FOXA1: variants seen among roughly 807,000 people sequenced by gnomAD.
FOXA1 encodes the protein forkhead box A1, also known as hepatocyte nuclear factor 3-alpha.
A neutral mutation model predicts 29.2 loss-of-function variants in FOXA1; 9 were observed. The observed-to-expected ratio is 0.31, with a 90% CI of 0.19 to 0.54. The LOEUF (loss-of-function observed/expected upper bound fraction) is 0.54. Ranked by LOEUF, FOXA1 falls within the 20% of genes least tolerant of loss-of-function variation. The pLI, the probability that FOXA1 is intolerant of heterozygous loss-of-function variation, is 0.95. For synonymous variants in FOXA1, 340 were observed against 300.9 expected, an observed-to-expected ratio of 1.13 and a Z score of -1.34; for missense variants, 644 against 681.2, an observed-to-expected ratio of 0.95 and a Z score of 0.61.
chr14:37,594,231 C>G lies in FOXA1; in HGVS notation c.72+670G>C, dbSNP rs997873895. On this transcript the variant is annotated intron_variant, in intron 1 of 1. Coordinates refer to ENST00000250448, the MANE Select transcript of FOXA1 (RefSeq NM_004496.5). The stretch of plus-strand genomic sequence containing the variant: ...GGTAGTCCTCCCTGTAACTGGTTTT[C>G]CCTGTAATCCTTTTGTGCACATTGT... The G allele has an allele frequency of 8.3e-5, 106 of 1,279,064 alleles. 1 individual carries two copies. The South Asian group carries it at 1.3e-3, about 16-fold the overall frequency. 79.2% of individuals were successfully genotyped at this position (1,279,064 alleles called of 1,614,324 possible). A position where few individuals can be genotyped will look rare whatever the true frequency, so the allele number is the denominator to read the frequency against.
chr14:37,592,783 C>T (rs931538934), intron 1 of FOXA1, 72 bp from the exon 2 acceptor site: 30 of 1,584,892 alleles, frequency 1.9e-5, no homozygotes, highest in Admixed American at 1.3e-4. Flanking sequence ...GGCGGCCGTC[C>T]GGGACCTAAC....
chr14:37,594,213 C>T, intron 1 of FOXA1: 1 of 1,282,772 alleles, frequency 7.8e-7, no homozygotes, highest in Non-Finnish European at 1.0e-6. Flanking sequence ...GGTGGTAGTC[C>T]TCCCTGTAAC....
In FOXA1 at chr14:37,592,719, G is replaced by T; in HGVS notation, c.73-8C>A. The T allele has an allele frequency of 1.2e-6, 2 of 1,609,820 alleles. No individual in the cohort carries two copies. The highest frequency in any genetic ancestry group is 1.7e-6 in the Non-Finnish European group (2 of 1,180,006). On this transcript the variant is annotated splice_polypyrimidine_tract_variant and splice_region_variant and intron_variant, in intron 1 of 1. Transcript: ENST00000250448. The stretch of plus-strand genomic sequence containing the variant: ...CGGGACGGAGGAGTAGGCCTGGAGT[G>T]GAGACAGCGAGTGAAGAAGCCCCGG...
At position 37,592,364 on chromosome 14, in the gene FOXA1, G is replaced by T. The variant is rs2139183154; in HGVS notation, c.420C>A (p.Pro140=). ...CCAGGTTGGACGGCGCGTACGCCATGGGGCTCATGCACGGGTTCATGGCGG... is the reference window on the plus strand; with the variant it reads ...CCAGGTTGGACGGCGCGTACGCCATTGGGCTCATGCACGGGTTCATGGCGG... ...YAAAMNPCMS[P]MAYAPSNLGR... Residue 140 remains proline (P), a synonymous_variant, in exon 2 of 2, where the codon CCC becomes CCA. Transcript: ENST00000250448. 6.2e-7 allele frequency: 1 copy of T among 1,602,784 alleles called. No individual in the cohort carries two copies. Among genetic ancestry groups the T allele is most frequent in the Non-Finnish European group, 8.5e-7 (1 of 1,175,834 alleles).
rs776810070 is a variant in FOXA1 at position 37,592,540 on chromosome 14, C to T, written c.244G>A (p.Val82Ile). ...GLGAGLSPGAVAGMPGGSAGA... is the reference protein window; with the variant it reads ...GLGAGLSPGAIAGMPGGSAGA... ...GCCGAGCCCCCCGGCATGCCGGCTACTGCGCCGGGACTCAGGCCGGCCCCT... is the reference window on the plus strand; with the variant it reads ...GCCGAGCCCCCCGGCATGCCGGCTATTGCGCCGGGACTCAGGCCGGCCCCT... Residue 82 changes from valine to isoleucine, a missense_variant, in exon 2 of 2, where the codon GTA becomes ATA. Around this residue, in one of 5 missense-constraint regions of FOXA1, gnomAD observed 309 missense variants for 307.0 expected, o/e 1.01. Coordinates refer to ENST00000250448, the MANE Select transcript of FOXA1 (RefSeq NM_004496.5). The T allele has an allele frequency of 2.5e-6, 4 of 1,613,734 alleles. No individual in the cohort carries two copies. Among genetic ancestry groups the T allele is most frequent in the Non-Finnish European group, 3.4e-6 (4 of 1,179,776 alleles).
chr14:37,594,466 G>A, intron 1 of FOXA1: 2 of 798,788 alleles, frequency 2.5e-6, no homozygotes, highest in South Asian at 9.2e-5. Flanking sequence ...TGGCGGCAGA[G>A]CGCTTTAATC....
chr14:37,595,037 G>C lies in FOXA1; in HGVS notation c.-65C>G, dbSNP rs1015779662. Reference sequence around the variant, plus strand: ...GCGAAGCGACGGGCGGCCGCGCGGCGCGGGGCGGGGGAGGGGAGCTGAGCA... The same window carrying C: ...GCGAAGCGACGGGCGGCCGCGCGGCCCGGGGCGGGGGAGGGGAGCTGAGCA... On this transcript the variant is annotated 5_prime_UTR_variant, in exon 1 of 2. Coordinates refer to ENST00000250448, the MANE Select transcript of FOXA1 (RefSeq NM_004496.5). 4.8e-6 allele frequency: 7 copies of C among 1,444,664 alleles called. No homozygotes were observed. Among genetic ancestry groups the C allele is most frequent in the Non-Finnish European group, 6.6e-6 (7 of 1,061,044 alleles). The allele number at this position is 1,444,664 out of a possible 1,614,324, so 89.5% of individuals were successfully genotyped here.
rs2139182122 is a variant in FOXA1 at position 37,592,106 on chromosome 14, G to A, written c.678C>T (p.Asp226=). Residue 226 remains aspartate, a synonymous_variant, in exon 2 of 2, where the codon GAC becomes GAT. Coordinates refer to ENST00000250448, the MANE Select transcript of FOXA1 (RefSeq NM_004496.5). ...GGGAGCGTGCCACCTTGACGAAGCA[G>A]TCATTGAAGGACAGCGAGTGGCGGA... ...NSIRHSLSFN[D]CFVKVARSPD... The A allele has an allele frequency of 2.5e-6, 4 of 1,612,872 alleles. No individual in the cohort carries two copies. Among genetic ancestry groups the A allele is most frequent in the Non-Finnish European group, 3.4e-6 (4 of 1,179,402 alleles).
chr14:37,594,644 C>G lies in FOXA1; in HGVS notation c.72+257G>C, dbSNP rs952071861. Reference sequence around the variant, plus strand: ...GGGAAGAGGCAAGCGCTTCCTAGAGCCGCTGTTTTCAAAGCCCGGAGTTTC... The same window carrying G: ...GGGAAGAGGCAAGCGCTTCCTAGAGGCGCTGTTTTCAAAGCCCGGAGTTTC... On this transcript the variant is annotated intron_variant, in intron 1 of 1. Coordinates refer to ENST00000250448, the MANE Select transcript of FOXA1 (RefSeq NM_004496.5). 5.3e-5 allele frequency: 11 copies of G among 206,056 alleles called. No individual in the cohort carries two copies. The East Asian group carries it at 9.2e-4, about 17-fold the overall frequency. 12.8% of individuals were successfully genotyped at this position (206,056 alleles called of 1,614,324 possible).
rs2095596114 is a variant in FOXA1 at position 37,591,925 on chromosome 14, C to T, written c.859G>A (p.Ala287Thr). 1 of 1,486,878 alleles carries T rather than the reference C, an allele frequency of 6.7e-7. No individual in the cohort carries two copies. 92.1% of individuals were successfully genotyped at this position (1,486,878 alleles called of 1,614,324 possible). A position where few individuals can be genotyped will look rare whatever the true frequency, so the allele number is the denominator to read the frequency against. Residue 287 changes from alanine (A) to threonine (T), a missense_variant, in exon 2 of 2, where the codon GCC becomes ACC. By Grantham distance (58) the Ala-to-Thr change is moderately conservative. Around this residue, in one of 5 missense-constraint regions of FOXA1, gnomAD observed 295 missense variants for 294.4 expected, o/e 1.00. Coordinates refer to ENST00000250448, the MANE Select transcript of FOXA1 (RefSeq NM_004496.5). ...GGGSGSGGSG[A>T]KGGPESRKDP... ...TTGCGGCTCTCAGGGCCGCCCTTGG[C>T]GCCGCTGCCCCCGCTTCCGCTCCCG...
At chr14:37,593,750 C>T (rs1328214447) in intron 1 of FOXA1, 2 of 153,356 alleles carry the variant, frequency 1.3e-5, no homozygotes, top group African/African-American at 4.8e-5. Context: ...TTAAAATCAT[C>T]AACAAGCGAA....
chr14:37,592,308 G>T lies in FOXA1; in HGVS notation c.476C>A (p.Ala159Asp), dbSNP rs759193004. Residue 159 changes from alanine (A) to aspartate (D), a missense_variant, in exon 2 of 2, where the codon GCC (alanine) becomes GAC (aspartate). Around this residue, in one of 5 missense-constraint regions of FOXA1, gnomAD observed 309 missense variants for 307.0 expected, o/e 1.01. Coordinates refer to ENST00000250448, the MANE Select transcript of FOXA1 (RefSeq NM_004496.5). ...CGGGTAGCTGCGCTTGAACGTCTTG[G>T]CGTCGCCGCCGCCGCCCGCGCGGCT... ...GRSRAGGGGD[A>D]KTFKRSYPHA... 6 of 1,602,688 alleles carry T rather than the reference G, an allele frequency of 3.7e-6. No homozygotes were observed. Among genetic ancestry groups the T allele is most frequent in the Non-Finnish European group, 5.1e-6 (6 of 1,175,294 alleles).
At chr14:37,594,406 A>G in intron 1 of FOXA1, 1 of 1,018,382 alleles carries the variant, frequency 9.8e-7, no homozygotes, top group Non-Finnish European at 1.2e-6. Flanking sequence ...GCTTTTGAAG[A>G]ACAAGTTTTA....
rs1272279891 is a variant in FOXA1 at position 37,591,904 on chromosome 14, G to C, written c.880C>G (p.Arg294Gly). ...TTAGAGGCGCCAGAGGGGTCCTTGC[G>C]GCTCTCAGGGCCGCCCTTGGCGCCG... is the stretch of plus-strand genomic sequence containing the variant. ...GSGAKGGPES[R>G]KDPSGASNPS... The change falls in exon 2 of 2, where the codon CGC becomes GGC. Residue 294 changes from arginine (R) to glycine (G), a missense_variant. Physicochemically the swap from Arg to Gly is moderately radical, Grantham distance 125. This residue lies in a region of FOXA1 where 295 missense variants were observed against 294.4 expected (regional missense o/e 1.00). Coordinates refer to ENST00000250448, the MANE Select transcript of FOXA1 (RefSeq NM_004496.5). 4 of 1,464,572 alleles carry C rather than the reference G, an allele frequency of 2.7e-6. No homozygotes were observed. The Admixed American group carries it at 8.1e-5, about 30-fold the overall frequency. The allele number at this position is 1,464,572 out of a possible 1,614,324, so 90.7% of individuals were successfully genotyped here. A position where few individuals can be genotyped will look rare whatever the true frequency, so the allele number is the denominator to read the frequency against.
intron 1 of FOXA1, chr14:37,594,304 C>T: frequency 8.5e-7 from 1 of 1,179,388 alleles, no homozygotes; most frequent in Non-Finnish European, 1.1e-6. Context: ...TGAAGAGAAA[C>T]AGGTTCTCGG....
At position 37,595,111 on chromosome 14, in the gene FOXA1, G is replaced by C; in HGVS notation, c.-139C>G. 3 of 513,520 alleles carry C rather than the reference G, an allele frequency of 5.8e-6. No homozygotes were observed. Among genetic ancestry groups the C allele is most frequent in the Non-Finnish European group, 5.8e-6 (2 of 346,170 alleles). 31.8% of individuals were successfully genotyped at this position (513,520 alleles called of 1,614,324 possible). A position where few individuals can be genotyped will look rare whatever the true frequency, so the allele number is the denominator to read the frequency against. ...GCGGGCCCAACGCCACCCGGGCGAA[G>C]AGGAAGCCCAGAGCTGCGGGGCGCG... On this transcript the variant is annotated 5_prime_UTR_variant, in exon 1 of 2. Transcript: ENST00000250448.
chr14:37,592,053 CAGT>C lies in FOXA1; in HGVS notation c.728_730del (p.Tyr243del). The C allele has an allele frequency of 6.2e-7, 1 of 1,609,468 alleles. No individual in the cohort carries two copies. The highest frequency in any genetic ancestry group is 8.5e-7 in the Non-Finnish European group (1 of 1,177,696). On this transcript the variant is annotated inframe_deletion, in exon 2 of 2. Coordinates refer to ENST00000250448, the MANE Select transcript of FOXA1 (RefSeq NM_004496.5). ...GTTGCCGGAGTCCGGGTGCAGCGTC[CAGT>C]AGGAGCCCTTGCCCGGCTTGTCCGG...
intron 1 of FOXA1, chr14:37,594,276 G>T: frequency 8.1e-7 from 1 of 1,228,278 alleles, no homozygotes; most frequent in Non-Finnish European, 1.0e-6. Flanking sequence ...CCCCATGAAC[G>T]TGCCACCAAG....
chr14:37,594,265 C>A, intron 1 of FOXA1: 2 of 1,244,306 alleles, frequency 1.6e-6, no homozygotes, highest in South Asian at 1.4e-5. Context: ...GTAAAAATAA[C>A]CCCCATGAAC....
Sources: gnomAD v4.1 joint callset for allele counts on GRCh38, gnomAD v4.1.1 for gene constraint, gnomAD v4.1.1 regional missense constraint, MANE v1.5 for transcripts, NCBI Gene and HGNC (gene_info 2026-07-23, HGNC 2026-07-21) for gene names.